The following CEP63 variants were observed in gnomAD, a reference collection of about 807,000 sequenced individuals.
CEP63 encodes centrosomal protein of 63 kDa.
A neutral mutation model predicts 89.1 loss-of-function variants in CEP63; 84 were observed. That is an observed-to-expected ratio of 0.94 (90% CI 0.79 to 1.13). CEP63 has a LOEUF of 1.13. Among genes scored for constraint, CEP63 ranks in the 50% most tolerant of loss-of-function variants. The pLI is 0.00. For missense variants in CEP63, 838 were observed against 813.3 expected (o/e 1.03, Z -0.37); for synonymous variants, 267 against 272.5 (o/e 0.98, Z 0.20).
At chr3:134,608,680 A>G in the CEP63 span, 4 of 1,613,908 alleles carry the variant, frequency 2.5e-6, no homozygotes, top group African/African-American at 4.0e-5. Context: ...CTGGGTGGGC[A>G]CTCAGCATCC....
chr3:134,636,917 T>C, the CEP63 span, among the ~76,000 whole-genome samples: 17 of 152,244 alleles, frequency 1.1e-4, no homozygotes, highest in African/African-American at 4.1e-4. Context: ...TATTTTCCTA[T>C]TGAAGTATTA....
the CEP63 span, among the ~76,000 whole-genome samples, chr3:134,687,507 T>G: frequency 6.6e-6 from 1 of 152,034 alleles, no homozygotes; most frequent in Non-Finnish European, 1.5e-5. Flanking sequence ...TAAGAACAAA[T>G]CCTCACCCCC....
At chr3:134,497,511 A>G (rs375082529) in intron 2 of CEP63, among the ~76,000 whole-genome samples, 78 of 152,266 alleles carry the variant, frequency 5.1e-4, no homozygotes, top group African/African-American at 1.8e-3. Flanking sequence ...ATCTGGGACC[A>G]TAGGCATGTC....
At chr3:134,758,458 AT>A in the CEP63 span, among the ~76,000 whole-genome samples, 1 of 152,120 alleles carries the variant, frequency 6.6e-6, no homozygotes, top group African/African-American at 2.4e-5. Context: ...TTACAGCAAC[AT>A]TTGCTCTCTC....
the CEP63 span, among the ~76,000 whole-genome samples, chr3:134,749,696 G>A: frequency 1.8e-5 from 1 of 56,608 alleles, no homozygotes; most frequent in Non-Finnish European, 3.8e-5. Flanking sequence ...AATAACAACA[G>A]GGGTTGTTCA....
At chr3:134,738,249 T>TACACACACACACACACAC in the CEP63 span, among the ~76,000 whole-genome samples, 191 of 145,674 alleles carry the variant, frequency 1.3e-3, no homozygotes, top group African/African-American at 4.4e-3. Flanking sequence ...TATTCCATCA[T>TACACACACACACACACAC]ACACACACAC....
chr3:134,558,076 C>T, intron 12 of CEP63, 66 bp from the exon 13 acceptor site: 3 of 1,362,888 alleles, frequency 2.2e-6, no homozygotes, highest in Non-Finnish European at 3.1e-6. Context: ...ATTTTCCAAC[C>T]AGCAGTATCA....
At chr3:134,653,833 A>T in the CEP63 span, among the ~76,000 whole-genome samples, 1 of 152,114 alleles carries the variant, frequency 6.6e-6, no homozygotes, top group Non-Finnish European at 1.5e-5. Flanking sequence ...TACCAAACCC[A>T]CACATGCTTC....
the CEP63 span, among the ~76,000 whole-genome samples, chr3:134,630,310 G>A: frequency 2.6e-5 from 4 of 152,214 alleles, no homozygotes; most frequent in Non-Finnish European, 5.9e-5. Context: ...GATGTTGGTG[G>A]CCATGCAGCC....
At chr3:134,649,184 T>A in the CEP63 span, among the ~76,000 whole-genome samples, 1 of 152,278 alleles carries the variant, frequency 6.6e-6, no homozygotes, top group Non-Finnish European at 1.5e-5. Context: ...CAGAAAAATA[T>A]TTGGAGAAAA....
At chr3:134,505,430 T>C (rs958744311) in intron 2 of CEP63, among the ~76,000 whole-genome samples, 6 of 152,216 alleles carry the variant, frequency 3.9e-5, no homozygotes, top group African/African-American at 1.4e-4. Flanking sequence ...TGATTGTCAG[T>C]GGAGGCTATA....
intron 2 of CEP63, among the ~76,000 whole-genome samples, chr3:134,501,768 C>A (rs762473617): frequency 1.3e-5 from 2 of 152,176 alleles, no homozygotes; most frequent in Non-Finnish European, 2.9e-5. Context: ...ATCATATCAT[C>A]AGCAAAGATA....
At chr3:134,758,122 C>A in the CEP63 span, among the ~76,000 whole-genome samples, 1 of 152,086 alleles carries the variant, frequency 6.6e-6, no homozygotes, top group African/African-American at 2.4e-5. Context: ...CACATATAAC[C>A]ATGTATTTGA....
chr3:134,640,646 T>G, the CEP63 span, among the ~76,000 whole-genome samples: 1 of 152,220 alleles, frequency 6.6e-6, no homozygotes, highest in Non-Finnish European at 1.5e-5. Flanking sequence ...AACGATTCCC[T>G]GGCCACAGCT....
the CEP63 span, among the ~76,000 whole-genome samples, chr3:134,761,189 C>G: frequency 6.6e-6 from 1 of 152,174 alleles, no homozygotes; most frequent in African/African-American, 2.4e-5. Context: ...GCTCAGATGC[C>G]CCTACTCCCT....
intron 2 of CEP63, among the ~76,000 whole-genome samples, chr3:134,500,565 G>A (rs370581064): frequency 6.6e-6 from 1 of 152,036 alleles, no homozygotes; most frequent in African/African-American, 2.4e-5. Context: ...TCCCACCAAC[G>A]GTGTTGCCTT....
chr3:134,577,784 C>T (rs111423162), downstream of CEP63, among the ~76,000 whole-genome samples: 2,465 of 152,142 alleles, frequency 0.016, 57 homozygotes, highest in African/African-American at 0.055. Flanking sequence ...CGTCCACCCC[C>T]GCGACAGGCC....
intron 1 of CEP63, chr3:134,486,443 C>G (rs1023898600): frequency 4.2e-5 from 41 of 985,486 alleles, no homozygotes; most frequent in Non-Finnish European, 4.9e-5. Flanking sequence ...CCCGCTATGC[C>G]CTGCACACTG....
At chr3:134,488,292 C>A (rs9838597) in intron 1 of CEP63, among the ~76,000 whole-genome samples, 30,888 of 152,096 alleles carry the variant, frequency 0.2, 3,393 homozygotes, top group African/African-American at 0.29. Context: ...TGCCCCTAAC[C>A]CTGTCCATGT....
Sources: allele counts gnomAD v4.1 joint callset (sites outside exome capture counted in the v4.1 genomes callset), GRCh38; gene constraint gnomAD v4.1.1; transcripts MANE v1.5; gene names NCBI Gene and HGNC (gene_info 2026-07-23, HGNC 2026-07-21).